Variants in CSMD1 observed in about 807,000 individuals in gnomAD.
The protein encoded by CSMD1 is CUB and Sushi multiple domains 1.
CSMD1 carries 213 observed loss-of-function variants against 417.5 expected under a neutral mutation model. The ratio of observed to expected loss-of-function variants is 0.51; its 90% CI spans 0.46 to 0.57. The LOEUF is 0.57. Ranked by LOEUF, CSMD1 falls within the 20% of genes least tolerant of loss-of-function variation. The pLI is 0.00. For missense variants in CSMD1, 6,923 were observed against 4,529.7 expected, an observed-to-expected ratio of 1.53 and a Z score of -15.17; for synonymous variants, 2,862 against 1,736.8, an observed-to-expected ratio of 1.65 and a Z score of -16.11.
At chr8:3,872,844 A>G (rs897836191) in intron 5 of CSMD1, among the ~76,000 whole-genome samples, 1 of 151,956 alleles carries the variant, frequency 6.6e-6, no homozygotes, top group African/African-American at 2.4e-5. Flanking sequence ...AGCTCCAAAA[A>G]AAAAAAAGAA....
intron 3 of CSMD1, among the ~76,000 whole-genome samples, chr8:4,042,696 G>A (rs1585192264): frequency 6.6e-6 from 1 of 151,192 alleles, no homozygotes; most frequent in South Asian, 2.1e-4. Flanking sequence ...ATATATTTTA[G>A]GTTTCTAACA....
At chr8:4,340,236 T>C (rs963321396) in intron 3 of CSMD1, among the ~76,000 whole-genome samples, 7 of 152,062 alleles carry the variant, frequency 4.6e-5, no homozygotes, top group African/African-American at 1.2e-4. Flanking sequence ...CTTCTCCCCT[T>C]TTCCTCTCAC....
chr8:4,336,187 G>C (rs1310340633), intron 3 of CSMD1, among the ~76,000 whole-genome samples: 1 of 152,118 alleles, frequency 6.6e-6, no homozygotes, highest in Non-Finnish European at 1.5e-5. Flanking sequence ...GGTCAGCGCT[G>C]GTTGACTCAG....
chr8:4,327,014 C>T (rs539563159), intron 3 of CSMD1, among the ~76,000 whole-genome samples: 5 of 152,044 alleles, frequency 3.3e-5, no homozygotes, highest in Admixed American at 2.0e-4. Context: ...ATTGGGAGAA[C>T]CAGACCACAG....
chr8:3,667,464 C>A lies in CSMD1; in HGVS notation c.1009+40950G>T, dbSNP rs528194666. 9.2e-5 allele frequency among the ~76,000 whole-genome samples: 14 copies of A among 152,096 alleles called. No homozygotes were observed. In the East Asian group the frequency reaches 2.5e-3, roughly 28 times the overall value. On this transcript the variant is annotated intron_variant, in intron 7 of 69. Transcript: ENST00000635120. ...CCATTGGCAAGGCCTTGGGGCACTA[C>A]AGCCCTGGCAAACAATGCAGGGCCA...
chr8:3,695,181 C>G (rs752398103), intron 7 of CSMD1, among the ~76,000 whole-genome samples: 7 of 151,154 alleles, frequency 4.6e-5, no homozygotes, highest in African/African-American at 9.7e-5. Context: ...CCAAGGACCT[C>G]GAAGACACTG....
intron 52 of CSMD1, among the ~76,000 whole-genome samples, chr8:3,010,600 C>G (rs1808310355): frequency 6.6e-6 from 1 of 152,150 alleles, no homozygotes; most frequent in South Asian, 2.1e-4. Context: ...GGCTTTACCC[C>G]ATGCCTGCTT....
intron 3 of CSMD1, among the ~76,000 whole-genome samples, chr8:4,129,445 C>T (rs1016773292): frequency 6.6e-6 from 1 of 152,126 alleles, no homozygotes; most frequent in Non-Finnish European, 1.5e-5. Flanking sequence ...TGTACTGAGA[C>T]AGGTGCATGG....
At chr8:3,620,767 GAC>G (rs897769232) in intron 7 of CSMD1, among the ~76,000 whole-genome samples, 2 of 152,118 alleles carry the variant, frequency 1.3e-5, no homozygotes, top group Non-Finnish European at 2.9e-5. Context: ...AATGCTGAAA[GAC>G]ATATGAAAAT....
At chr8:4,407,437 A>G (rs562709335) in intron 3 of CSMD1, among the ~76,000 whole-genome samples, 127 of 152,354 alleles carry the variant, frequency 8.3e-4, no homozygotes, top group Non-Finnish European at 1.6e-3. Flanking sequence ...ATTGAATTAA[A>G]TGTGATTAAA....
intron 40 of CSMD1, among the ~76,000 whole-genome samples, chr8:3,146,732 T>A (rs187914317): frequency 3.3e-4 from 50 of 152,332 alleles, no homozygotes; most frequent in Non-Finnish European, 6.8e-4. Flanking sequence ...AACAGCTGTT[T>A]CTGGAATGAG....
chr8:3,009,601 A>G (rs546515548), intron 52 of CSMD1, among the ~76,000 whole-genome samples: 1 of 152,300 alleles, frequency 6.6e-6, no homozygotes, highest in African/African-American at 2.4e-5. Flanking sequence ...AAGTCTCTTG[A>G]TCTCCATATG....
chr8:4,323,690 G>A (rs1213114791), intron 3 of CSMD1, among the ~76,000 whole-genome samples: 1 of 152,148 alleles, frequency 6.6e-6, no homozygotes, highest in Non-Finnish European at 1.5e-5. Flanking sequence ...TATAGGAAAT[G>A]TATAAAATAG....
intron 2 of CSMD1, among the ~76,000 whole-genome samples, chr8:4,471,346 T>C (rs911556197): frequency 1.4e-4 from 22 of 152,304 alleles, no homozygotes; most frequent in African/African-American, 5.3e-4. Context: ...TATCGCAGCT[T>C]ATTTCTAGAA....
chr8:4,852,866 T>A (rs188593333), intron 1 of CSMD1, among the ~76,000 whole-genome samples: 35 of 152,156 alleles, frequency 2.3e-4, no homozygotes, highest in Non-Finnish European at 4.6e-4. Context: ...AAGAACTTGG[T>A]TGCATTGTTT....
At position 3,762,392 on chromosome 8, in the gene CSMD1, C is replaced by A. The variant is rs564819479; in HGVS notation, c.819-8350G>T. On this transcript the variant is annotated intron_variant, in intron 5 of 69. Coordinates refer to ENST00000635120, the MANE Select transcript of CSMD1 (RefSeq NM_033225.6). Reference sequence around the variant, plus strand: ...CCCTGATCTCTAAGATCAGGCAGCTCCTCCTTGGCTATGCCCTCTCCTGAC... The same window carrying A: ...CCCTGATCTCTAAGATCAGGCAGCTACTCCTTGGCTATGCCCTCTCCTGAC... Among the ~76,000 whole-genome samples, 168 of 152,300 alleles carry A rather than the reference C, an allele frequency of 1.1e-3. 1 individual carries two copies. Among genetic ancestry groups the A allele is most frequent in the Non-Finnish European group, 1.5e-3 (101 of 68,022 alleles).
At chr8:3,272,055 T>C (rs1187200740) in intron 26 of CSMD1, among the ~76,000 whole-genome samples, 1 of 150,928 alleles carries the variant, frequency 6.6e-6, no homozygotes, top group Non-Finnish European at 1.5e-5. Flanking sequence ...AGGGTTTTTA[T>C]GGTTTTAGGT....
At chr8:3,308,546 G>C (rs920484499) in intron 23 of CSMD1, 43 bp from the exon 24 acceptor site, 6 of 1,516,062 alleles carry the variant, frequency 4.0e-6, no homozygotes, top group Non-Finnish European at 5.4e-6. Context: ...CTCAAGGGTG[G>C]ACATCTGCCT....
rs145283541 is a variant in CSMD1, at chr8:3,020,222, G to C, written c.7856-1572C>G. 4.9e-3 allele frequency among the ~76,000 whole-genome samples: 747 copies of C among 152,280 alleles called. 4 individuals are homozygous for C. Among genetic ancestry groups the C allele is most frequent in the African/African-American group, 0.017 (717 of 41,564 alleles). ...TAGATTCAAACGGAAGCCATCCCTCGCACATAAGCAGGCTTAATCAGGGTT... is the reference window on the plus strand; with the variant it reads ...TAGATTCAAACGGAAGCCATCCCTCCCACATAAGCAGGCTTAATCAGGGTT... On this transcript the variant is annotated intron_variant, in intron 51 of 69. Transcript: ENST00000635120.
Sources: gnomAD v4.1 joint callset for allele counts (sites outside exome capture counted in the v4.1 genomes callset) on GRCh38, gnomAD v4.1.1 for gene constraint, MANE v1.5 for transcripts, NCBI Gene and HGNC (gene_info 2026-07-23, HGNC 2026-07-21) for gene names.